Variants in HPS5 observed in about 807,000 individuals in gnomAD.
HPS5 encodes the protein HPS5 biogenesis of lysosomal organelles complex 2 subunit 2.
HPS5 carries 83 observed loss-of-function variants against 128.0 expected under a neutral mutation model. The ratio of observed to expected loss-of-function variants is 0.65; its 90% CI spans 0.54 to 0.78. The LOEUF (loss-of-function observed/expected upper bound fraction) is 0.78, where lower values mean the gene tolerates loss of function less well. Among genes scored for constraint, HPS5 ranks in the 30% least tolerant of loss-of-function variants. The probability of loss-of-function intolerance (pLI) is 0.00; values close to 1 mark genes in which losing one functional copy is unlikely to be tolerated. For synonymous variants in HPS5, 475 were observed against 470.2 expected (o/e 1.01, Z -0.13); for missense variants, 1,281 against 1,326.2 (o/e 0.97, Z 0.53).
chr11:18,279,861 A>T lies in HPS5; in HGVS notation c.*21T>A. On this transcript the variant is annotated 3_prime_UTR_variant, in exon 23 of 23. Coordinates refer to ENST00000349215, the MANE Select transcript of HPS5 (RefSeq NM_181507.2). The stretch of plus-strand genomic sequence containing the variant: ...TTAGTTTTTCTCAAAATGTCATGAC[A>T]TCCTGCTGAATCTTCTCCCACTAGG... 6.2e-7 allele frequency: 1 copy of T among 1,610,146 alleles called. No individual in the cohort carries two copies. The highest frequency in any genetic ancestry group is 8.5e-7 in the Non-Finnish European group (1 of 1,176,306).
chr11:18,303,464 GCAGAGCCAGATCATCAAAGGC>G lies in HPS5; in HGVS notation c.896+1937_896+1957del, dbSNP rs553576718. 1.3e-3 allele frequency among the ~76,000 whole-genome samples: 197 copies of G among 152,286 alleles called. 2 individuals are homozygous for G. The highest frequency in any genetic ancestry group is 4.6e-3 in the African/African-American group (191 of 41,554). On this transcript the variant is annotated intron_variant, in intron 8 of 22. Transcript: ENST00000349215. ...AATTGTTGCTTTAGCTGAGGAATAG[GCAGAGCCAGATCATCAAAGGC>G]TTTTTGTCTACCATGGTAGGGACTA...
chr11:18,307,758 C>A (rs1017621899), intron 6 of HPS5, among the ~76,000 whole-genome samples: 2 of 150,980 alleles, frequency 1.3e-5, no homozygotes, highest in East Asian at 1.9e-4. Context: ...ACAAAAAAAA[C>A]CAAAAAACTG....
chr11:18,311,380 T>G lies in HPS5; in HGVS notation c.284+7A>C. Reference sequence around the variant, plus strand: ...AAAGGACAGATAGTTTTGGAACAGATTCTTACCTGGTAGCTACAGCAACAT... The same window carrying G: ...AAAGGACAGATAGTTTTGGAACAGAGTCTTACCTGGTAGCTACAGCAACAT... On this transcript the variant is annotated splice_region_variant and intron_variant, in intron 4 of 22. Transcript: ENST00000349215. 1 of 1,588,280 alleles carries G rather than the reference T, an allele frequency of 6.3e-7. No homozygotes were observed. The highest frequency in any genetic ancestry group is 1.1e-5 in the South Asian group (1 of 90,178).
At chr11:18,281,405 A>G (rs948585486) in intron 22 of HPS5, among the ~76,000 whole-genome samples, 1 of 150,080 alleles carries the variant, frequency 6.7e-6, no homozygotes, top group African/African-American at 2.5e-5. Context: ...GGTACCAGTA[A>G]TTTTTTTGTT....
At chr11:18,295,346 A>C (rs1298123901) in intron 13 of HPS5, among the ~76,000 whole-genome samples, 177 bp from the exon 14 acceptor site, 1 of 152,216 alleles carries the variant, frequency 6.6e-6, no homozygotes, top group African/African-American at 2.4e-5. Context: ...ATAAACTTAC[A>C]ATATAATGAT....
intron 9 of HPS5, among the ~76,000 whole-genome samples, chr11:18,300,470 G>A (rs1289956488): frequency 6.6e-6 from 1 of 152,050 alleles, no homozygotes; most frequent in Non-Finnish European, 1.5e-5. Flanking sequence ...GCTGAGGCCG[G>A]CAGATCACCT....
chr11:18,282,927 G>C (rs1249840764), intron 21 of HPS5, among the ~76,000 whole-genome samples: 4 of 152,170 alleles, frequency 2.6e-5, no homozygotes, highest in Middle Eastern at 6.8e-3. Flanking sequence ...AGAAATAAGG[G>C]GCCTGCATTT....
chr11:18,314,004 G>A (rs1863313973), intron 2 of HPS5, among the ~76,000 whole-genome samples: 1 of 151,804 alleles, frequency 6.6e-6, no homozygotes, highest in South Asian at 2.1e-4. Context: ...GAGCCCAGGA[G>A]TTTGAGACCA....
At chr11:18,289,481 G>A (rs1032820395) in intron 16 of HPS5, among the ~76,000 whole-genome samples, 14 of 152,094 alleles carry the variant, frequency 9.2e-5, no homozygotes, top group Admixed American at 8.5e-4. Flanking sequence ...GACAGATACA[G>A]TAAATTTCCA....
intron 20 of HPS5, among the ~76,000 whole-genome samples, chr11:18,284,738 C>A (rs1288981220): frequency 6.6e-6 from 1 of 152,170 alleles, no homozygotes; most frequent in Non-Finnish European, 1.5e-5. Context: ...AAGAAAGACA[C>A]AAGTTGCTAT....
Position 18,298,775 on chromosome 11 carries a change from G to A in HPS5, c.1164+17C>T. 1 of 1,613,168 alleles carries A rather than the reference G, an allele frequency of 6.2e-7. No individual in the cohort carries two copies. Among genetic ancestry groups the A allele is most frequent in the Non-Finnish European group, 8.5e-7 (1 of 1,179,218 alleles). ...CACCAATCCATGGTAAAGATGTCTA[G>A]GTAAGCTCTGACTCACTCTGCTGGC... is the stretch of plus-strand genomic sequence containing the variant. On this transcript the variant is annotated intron_variant, in intron 10 of 22. Coordinates refer to ENST00000349215, the MANE Select transcript of HPS5 (RefSeq NM_181507.2).
At position 18,306,274 on chromosome 11, in the gene HPS5, A is replaced by G; in HGVS notation, c.685T>C (p.Ser229Pro). 6.2e-7 allele frequency: 1 copy of G among 1,614,188 alleles called. No homozygotes were observed. Among genetic ancestry groups the G allele is most frequent in the Non-Finnish European group, 8.5e-7 (1 of 1,180,018 alleles). ...TATATCAGAGGTTGCTGGCCCCCAG[A>G]ACATCTTCCAGGAAAGAAACAAGCT... is the stretch of plus-strand genomic sequence containing the variant. ...YGACFFPGRC[S>P]GGQQPLIYCA... Residue 229 changes from serine (S) to proline (P), a missense_variant, in exon 7 of 23, where the codon TCT becomes CCT. Transcript: ENST00000349215.
Position 18,279,074 on chromosome 11 carries a change from T to G in HPS5, c.*808A>C, listed in dbSNP as rs1341730055. The G allele has an allele frequency of 6.6e-6, 1 of 152,260 alleles. No homozygotes were observed. The highest frequency in any genetic ancestry group is 1.5e-5 in the Non-Finnish European group (1 of 68,046). The allele number at this position is 152,260 out of a possible 1,614,324, so 9.4% of individuals were successfully genotyped here. A position where few individuals can be genotyped will look rare whatever the true frequency, so the allele number is the denominator to read the frequency against. On this transcript the variant is annotated 3_prime_UTR_variant, in exon 23 of 23. Coordinates refer to ENST00000349215, the MANE Select transcript of HPS5 (RefSeq NM_181507.2). ...ATTTTTAATTAGCTTAATTTATATA[T>G]GAAGATATTTTATTTAATTTGTTTT...
chr11:18,303,461 T>C (rs946001787), intron 8 of HPS5, among the ~76,000 whole-genome samples: 30 of 152,174 alleles, frequency 2.0e-4, no homozygotes, highest in African/African-American at 6.5e-4. Context: ...AGCTGAGGAA[T>C]AGGCAGAGCC....
chr11:18,296,812 G>C lies in HPS5; in HGVS notation c.1496C>G (p.Ser499Ter), dbSNP rs756408229. The part of the protein sequence containing the change: ...EEDLPDQCCG[S>*]HGNEDNVSHA... ...ACATTCATCACCTTCATTTCCGTGT[G>C]AGCCACAACACTGATCTGGCAGGTC... The change falls in exon 12 of 23, where the codon TCA (serine) becomes TGA (stop). Residue 499 changes from serine to a stop codon, truncating the protein, a stop_gained. Transcript: ENST00000349215. LOFTEE classifies it high-confidence loss of function. 6.2e-7 allele frequency: 1 copy of C among 1,613,934 alleles called. No individual in the cohort carries two copies.
In HPS5 at chr11:18,292,586, G is replaced by C. The variant is rs1159150320; in HGVS notation, c.1862+313C>G. ...GGACTCAGAAAGTCATTCCCATTCT[G>C]GGCTTGTGTGAAGGCTGCCAATCTT... On this transcript the variant is annotated intron_variant, in intron 15 of 22. Transcript: ENST00000349215. Among the ~76,000 whole-genome samples the C allele has an allele frequency of 2.0e-5, 3 of 152,096 alleles. No individual in the cohort carries two copies. The East Asian group carries it at 5.8e-4, about 29-fold the overall frequency.
Position 18,308,978 on chromosome 11 carries a change from T to G in HPS5, c.579A>C (p.Ser193=). 4 of 1,614,000 alleles carry G rather than the reference T, an allele frequency of 2.5e-6. No homozygotes were observed. The highest frequency in any genetic ancestry group is 3.4e-6 in the Non-Finnish European group (4 of 1,179,916). ...DYLDGRLLIS[S]LTRSFLCDTE... is the part of the protein sequence containing the mutation. ...TGTCACACAAGAAGGATCGAGTAAG[T>G]GAAGATATAAGTAGCCTTCCATCCA... is the stretch of plus-strand genomic sequence containing the variant. Residue 193 remains serine (S), a synonymous_variant, in exon 6 of 23, where the codon TCA becomes TCC. Transcript: ENST00000349215.
intron 2 of HPS5, among the ~76,000 whole-genome samples, chr11:18,312,340 G>A (rs1863113220): frequency 6.6e-6 from 1 of 152,164 alleles, no homozygotes; most frequent in Non-Finnish European, 1.5e-5. Context: ...TCATTCCAAT[G>A]CTGACTACAA....
chr11:18,288,080 T>A, intron 16 of HPS5, 67 bp from the exon 17 acceptor site: 1 of 1,571,912 alleles, frequency 6.4e-7, no homozygotes, highest in Non-Finnish European at 8.7e-7. Flanking sequence ...TTTATGAACA[T>A]GTTCATTCAG....
Sources: allele counts gnomAD v4.1 joint callset (sites outside exome capture counted in the v4.1 genomes callset), GRCh38; gene constraint gnomAD v4.1.1; transcripts MANE v1.5; gene names NCBI Gene and HGNC (gene_info 2026-07-23, HGNC 2026-07-21).